Variants in OTOA observed in about 807,000 individuals in gnomAD.
The protein encoded by OTOA is otoancorin.
A neutral mutation model predicts 110.8 loss-of-function variants in OTOA; 70 were observed. The observed-to-expected ratio is 0.63, with a 90% confidence interval of 0.52 to 0.77. The LOEUF (loss-of-function observed/expected upper bound fraction) is 0.77, where lower values mean the gene tolerates loss of function less well. Ranked by LOEUF, OTOA falls within the 30% of genes least tolerant of loss-of-function variation. The pLI, the probability that OTOA is intolerant of heterozygous loss-of-function variation, is 0.00. For missense variants in OTOA, 917 were observed against 1,075.8 expected (o/e 0.85, Z 2.06); for synonymous variants, 373 against 431.5 (o/e 0.86, Z 1.68).
intron 1 of OTOA, among the ~76,000 whole-genome samples, chr16:21,667,481 T>C (rs1966842826): frequency 6.6e-6 from 1 of 151,994 alleles, no homozygotes. Flanking sequence ...GGCGAAACCC[T>C]GTCTCTACTA....
chr16:21,673,789 G>T (rs1258699685), intron 1 of OTOA, among the ~76,000 whole-genome samples: 1 of 152,052 alleles, frequency 6.6e-6, no homozygotes, highest in East Asian at 1.9e-4. Context: ...GGTTTTGTTT[G>T]TTTGTTTGTT....
intron 21 of OTOA, among the ~76,000 whole-genome samples, chr16:21,731,267 G>A (rs1214213189): frequency 6.6e-6 from 1 of 152,362 alleles, no homozygotes; most frequent in Non-Finnish European, 1.5e-5. Context: ...ACATGCACAT[G>A]TATGTCCAGT....
chr16:21,736,245 A>G lies in OTOA; in HGVS notation c.2302-16A>G, dbSNP rs1372398865. The stretch of plus-strand genomic sequence containing the variant: ...TTTTAATTATTATTCCTCTTCTTTC[A>G]TCTTCTTTCACACAGTTTCCTGAGA... On this transcript the variant is annotated splice_polypyrimidine_tract_variant and intron_variant, in intron 21 of 28. Transcript: ENST00000646100. The G allele has an allele frequency of 1.9e-6, 3 of 1,605,754 alleles. No individual in the cohort carries two copies. The highest frequency in any genetic ancestry group is 2.6e-6 in the Non-Finnish European group (3 of 1,172,612).
chr16:21,714,940 G>A, intron 13 of OTOA, 45 bp from the exon 14 acceptor site: 1 of 1,612,540 alleles, frequency 6.2e-7, no homozygotes, highest in Non-Finnish European at 8.5e-7. Flanking sequence ...TTGGAGAGGT[G>A]AAAGGCGGGA....
intron 28 of OTOA, among the ~76,000 whole-genome samples, 181 bp downstream of exon 28, chr16:21,757,458 T>C (rs1490969818): frequency 6.6e-5 from 10 of 152,188 alleles, no homozygotes; most frequent in Non-Finnish European, 1.2e-4. Flanking sequence ...GCTTCAGAAT[T>C]AGTGATTCTC....
chr16:21,681,936 C>T (rs1966899481), intron 6 of OTOA, 111 bp downstream of exon 6: 1 of 1,008,748 alleles, frequency 9.9e-7, no homozygotes, highest in Non-Finnish European at 1.5e-6. Context: ...GTCTTTGCTT[C>T]TGCAAGGAAA....
At chr16:21,715,173 G>C (rs145081900) in intron 14 of OTOA, 21 bp downstream of exon 14, 2 of 1,614,046 alleles carry the variant, frequency 1.2e-6, no homozygotes, top group Non-Finnish European at 1.7e-6. Context: ...GATGTCTGGT[G>C]CTCAGCCACA....
At chr16:21,722,772 C>T in intron 17 of OTOA, 133 bp from the exon 18 acceptor site, 1 of 775,384 alleles carries the variant, frequency 1.3e-6, no homozygotes, top group Admixed American at 2.0e-5. Context: ...AGTAGTGGTA[C>T]TTACATCATA....
intron 2 of OTOA, 107 bp from the exon 3 acceptor site, chr16:21,678,808 A>C: frequency 7.1e-7 from 1 of 1,407,308 alleles, no homozygotes; most frequent in Non-Finnish European, 1.0e-6. Context: ...ATTCACTAAA[A>C]ATTTCCTTCA....
chr16:21,707,723 TCTCA>T (rs1290926561), intron 12 of OTOA, among the ~76,000 whole-genome samples: 8 of 134,294 alleles, frequency 6.0e-5, no homozygotes, highest in South Asian at 2.3e-4. Context: ...TTCTTCTCTT[TCTCA>T]CTCTCTCTCT....
chr16:21,729,183 C>T (rs1899029354), intron 20 of OTOA, among the ~76,000 whole-genome samples: 1 of 151,894 alleles, frequency 6.6e-6, no homozygotes, highest in Non-Finnish European at 1.5e-5. Flanking sequence ...CACAGGTGCA[C>T]ATCACTGTAC....
intron 13 of OTOA, 134 bp downstream of exon 13, chr16:21,710,237 G>T: frequency 1.9e-6 from 2 of 1,030,922 alleles, no homozygotes; most frequent in Non-Finnish European, 2.9e-6. Flanking sequence ...CAGTTCTGGA[G>T]ACTGGGAAGT....
chr16:21,675,712 CTT>C (rs972108323), intron 1 of OTOA, among the ~76,000 whole-genome samples: 1 of 152,052 alleles, frequency 6.6e-6, no homozygotes, highest in Admixed American at 6.6e-5. Context: ...AGAAGTTCCT[CTT>C]GGGGTTTTTT....
intron 12 of OTOA, among the ~76,000 whole-genome samples, chr16:21,707,237 A>G (rs2141683388): frequency 6.6e-6 from 1 of 151,942 alleles, no homozygotes; most frequent in East Asian, 1.9e-4. Context: ...AAGAAGATAA[A>G]TGTATTTTAA....
At chr16:21,712,749 G>A (rs901307915) in intron 13 of OTOA, among the ~76,000 whole-genome samples, 2 of 152,016 alleles carry the variant, frequency 1.3e-5, no homozygotes, top group Non-Finnish European at 2.9e-5. Context: ...GGAGGCTGAG[G>A]CAGGAGAATG....
intron 9 of OTOA, among the ~76,000 whole-genome samples, chr16:21,693,895 C>A (rs1210877779): frequency 6.6e-6 from 1 of 151,996 alleles, no homozygotes; most frequent in Non-Finnish European, 1.5e-5. Context: ...ATTACAGGTA[C>A]TTTAGACTAG....
At chr16:21,723,042 A>G (rs1189762921) in intron 18 of OTOA, 64 bp downstream of exon 18, 1 of 1,528,072 alleles carries the variant, frequency 6.5e-7, no homozygotes, top group Non-Finnish European at 9.1e-7. Context: ...CACTGAAGTC[A>G]AAATGATTCT....
At chr16:21,720,143 A>G (rs1898684791) in intron 17 of OTOA, among the ~76,000 whole-genome samples, 1 of 151,894 alleles carries the variant, frequency 6.6e-6, no homozygotes, top group African/African-American at 2.4e-5. Context: ...TTTTGCAGAG[A>G]TAGGGTCTTG....
intron 10 of OTOA, among the ~76,000 whole-genome samples, chr16:21,700,035 G>A (rs1178196618): frequency 1.3e-5 from 2 of 152,104 alleles, no homozygotes; most frequent in Non-Finnish European, 2.9e-5. Context: ...AGGAAGAATA[G>A]ATAGATATGA....
Sources: gnomAD v4.1 joint callset for allele counts (sites outside exome capture counted in the v4.1 genomes callset) on GRCh38, gnomAD v4.1.1 for gene constraint, MANE v1.5 for transcripts, NCBI Gene and HGNC (gene_info 2026-07-23, HGNC 2026-07-21) for gene names.